Variants in CAPN2 observed in about 807,000 individuals in gnomAD.
The protein encoded by CAPN2 is calpain-2 catalytic subunit.
A neutral mutation model predicts 102.3 loss-of-function variants in CAPN2; 92 were observed. That is an observed-to-expected ratio of 0.90 (90% confidence interval 0.76 to 1.07). The LOEUF is 1.07. CAPN2 is among the 50% of genes least tolerant of loss of function. CAPN2 has a pLI of 0.00. For missense variants in CAPN2, 800 were observed against 909.4 expected (o/e 0.88, Z 1.55); for synonymous variants, 340 against 355.4 (o/e 0.96, Z 0.49).
intron 20 of CAPN2, 22 bp from the exon 21 acceptor site, chr1:223,774,812 T>C (rs573373387): frequency 2.0e-6 from 3 of 1,468,906 alleles, no homozygotes; most frequent in African/African-American, 2.8e-5. Flanking sequence ...CTGAGCTGAC[T>C]TTTTTTTTTC....
intron 1 of CAPN2, among the ~76,000 whole-genome samples, chr1:223,703,589 T>C (rs1047772853): frequency 7.2e-5 from 11 of 152,244 alleles, no homozygotes; most frequent in Admixed American, 3.3e-4. Flanking sequence ...AGAGTGGCAC[T>C]GCAGTCTATG....
chr1:223,724,305 G>A (rs572957785), intron 2 of CAPN2, among the ~76,000 whole-genome samples: 9 of 152,256 alleles, frequency 5.9e-5, no homozygotes, highest in East Asian at 3.9e-4. Context: ...AGGTCTGTTG[G>A]GGTCCTGGCT....
Position 223,755,408 on chromosome 1 carries a change from A to C in CAPN2, c.1136-72A>C. On this transcript the variant is annotated intron_variant, in intron 9 of 20. Transcript: ENST00000295006. The surrounding 1 kb of genome is among the most constrained non-coding windows in gnomAD (Gnocchi z 4.1). ...TCCCTCTCAGAAGCCTCCAAGCCTGAGACCAGGGCCACCCCCCACCCCCAT... is the reference window on the plus strand; with the variant it reads ...TCCCTCTCAGAAGCCTCCAAGCCTGCGACCAGGGCCACCCCCCACCCCCAT... 2 of 1,524,518 alleles carry C rather than the reference A, an allele frequency of 1.3e-6. No individual in the cohort carries two copies. Among genetic ancestry groups the C allele is most frequent in the East Asian group, 2.3e-5 (1 of 44,182 alleles). The allele number at this position is 1,524,518 out of a possible 1,614,324, so 94.4% of individuals were successfully genotyped here.
chr1:223,737,707 CGGG>C (rs1257475756), intron 2 of CAPN2, among the ~76,000 whole-genome samples: 1 of 58,754 alleles, frequency 1.7e-5, no homozygotes, highest in Non-Finnish European at 3.4e-5. Context: ...AGAGACGGGG[CGGG>C]GGGTGGGGGG....
At chr1:223,715,483 A>C (rs914590029) in intron 1 of CAPN2, among the ~76,000 whole-genome samples, 1 of 152,114 alleles carries the variant, frequency 6.6e-6, no homozygotes, top group East Asian at 1.9e-4. Flanking sequence ...GGAAGTGAGA[A>C]TACGGGTTGT....
chr1:223,723,565 C>T (rs74147528), intron 2 of CAPN2, among the ~76,000 whole-genome samples: 142 of 152,182 alleles, frequency 9.3e-4, no homozygotes, highest in African/African-American at 3.1e-3. Context: ...CACTTTTCTC[C>T]CTTGTGGCTG....
At position 223,747,041 on chromosome 1, in the gene CAPN2, A is replaced by G; in HGVS notation, c.605A>G (p.Glu202Gly). 1 of 1,614,092 alleles carries G rather than the reference A, an allele frequency of 6.2e-7. No homozygotes were observed. The highest frequency in any genetic ancestry group is 1.1e-5 in the South Asian group (1 of 91,074). Residue 202 changes from glutamate (E) to glycine (G), a missense_variant, in exon 5 of 21, where the codon GAG (glutamate) becomes GGG (glycine). Physicochemically the swap from Glu to Gly is moderately conservative, Grantham distance 98. Transcript: ENST00000295006. Reference protein sequence around the residue: ...YEALSGGATTEGFEDFTGGIA... With the variant: ...YEALSGGATTGGFEDFTGGIA... The stretch of plus-strand genomic sequence containing the variant: ...GCGCTATCAGGGGGTGCCACCACTG[A>G]GGGCTTCGAAGACTTCACCGGAGGC...
In CAPN2 at chr1:223,756,980, G is replaced by A. The variant is rs973508420; in HGVS notation, c.1306-389G>A. Among the ~76,000 whole-genome samples the A allele has an allele frequency of 6.1e-4, 93 of 152,178 alleles. No homozygotes were observed. The highest frequency in any genetic ancestry group is 3.4e-4 in the Non-Finnish European group (23 of 68,026). The stretch of plus-strand genomic sequence containing the variant: ...TCAAGGAAATGCAGACCGGACCACT[G>A]GACCTGGCTGACAGAGGCCGGCACT... On this transcript the variant is annotated intron_variant, in intron 10 of 20. Coordinates refer to ENST00000295006, the MANE Select transcript of CAPN2 (RefSeq NM_001748.5). This position sits in a 1 kb window ranked among gnomAD's most constrained non-coding sequence, Gnocchi z 4.1.
chr1:223,729,590 C>T (rs768732866), intron 2 of CAPN2, among the ~76,000 whole-genome samples: 16 of 152,094 alleles, frequency 1.1e-4, no homozygotes, highest in South Asian at 2.1e-4. Context: ...TCCAGAAAGG[C>T]GGGACAACTT....
chr1:223,709,107 C>A (rs1257276904), upstream of CAPN2, among the ~76,000 whole-genome samples: 1 of 152,068 alleles, frequency 6.6e-6, no homozygotes. Context: ...AGTCAATTCC[C>A]AGGAGAAGCT....
chr1:223,748,990 G>A, intron 5 of CAPN2, 49 bp from the exon 6 acceptor site: 12 of 1,530,666 alleles, frequency 7.8e-6, no homozygotes, highest in Non-Finnish European at 1.0e-5. Flanking sequence ...GGGAGTCCGG[G>A]AGGAAGGGAG....
Position 223,774,985 on chromosome 1 carries a change from G to T in CAPN2, c.*128G>T. ...ACATTTACTTAAACGGATGATCATA[G>T]CTGAAAATAATGATACTGTCAATTT... On this transcript the variant is annotated 3_prime_UTR_variant, in exon 21 of 21. Transcript: ENST00000295006. 1.3e-6 allele frequency: 1 copy of T among 783,654 alleles called. No homozygotes were observed. Among genetic ancestry groups the T allele is most frequent in the Admixed American group, 2.3e-5 (1 of 43,240 alleles). The allele number at this position is 783,654 out of a possible 1,614,324, so 48.5% of individuals were successfully genotyped here.
chr1:223,748,378 A>G (rs1337195216), intron 5 of CAPN2, among the ~76,000 whole-genome samples: 3 of 152,126 alleles, frequency 2.0e-5, no homozygotes, highest in Non-Finnish European at 4.4e-5. Flanking sequence ...AAAGTTTATC[A>G]GCAGAACACG....
At chr1:223,762,164 A>T in intron 13 of CAPN2, 22 bp from the exon 14 acceptor site, 13 of 1,610,052 alleles carry the variant, frequency 8.1e-6, no homozygotes, top group Non-Finnish European at 1.0e-5. Flanking sequence ...ATGCATTCTC[A>T]TGTCTCTGCC....
intron 10 of CAPN2, 85 bp from the exon 11 acceptor site, chr1:223,757,284 G>C: frequency 7.0e-7 from 1 of 1,432,690 alleles, no homozygotes; most frequent in South Asian, 1.1e-5. Context: ...CAGAGAAAAC[G>C]GGGGCAGCGG....
chr1:223,753,316 T>G (rs183678751), intron 9 of CAPN2, among the ~76,000 whole-genome samples: 22 of 152,296 alleles, frequency 1.4e-4, no homozygotes, highest in African/African-American at 4.6e-4. Context: ...CATGAGCTGC[T>G]CTATGCACCC....
At chr1:223,770,945 G>T (rs1229010568) in intron 18 of CAPN2, 1 of 158,312 alleles carries the variant, frequency 6.3e-6, no homozygotes, top group East Asian at 1.9e-4. Context: ...AGACTGCTGG[G>T]CTTTGGGAAC....
chr1:223,774,693 A>T, intron 20 of CAPN2, 141 bp from the exon 21 acceptor site: 2 of 704,930 alleles, frequency 2.8e-6, no homozygotes, highest in Non-Finnish European at 5.0e-6. Context: ...CAGGTAAGAA[A>T]AATATGAGTT....
At chr1:223,737,189 C>T (rs934644609) in intron 2 of CAPN2, among the ~76,000 whole-genome samples, 2 of 152,186 alleles carry the variant, frequency 1.3e-5, no homozygotes, top group African/African-American at 4.8e-5. Context: ...TGGGCTTTTT[C>T]TGGAGAGGAA....
Sources: gnomAD v4.1 joint callset for allele counts (sites outside exome capture counted in the v4.1 genomes callset) on GRCh38, gnomAD v4.1.1 for gene constraint, Gnocchi (gnomAD v3.1) non-coding constraint, MANE v1.5 for transcripts, NCBI Gene and HGNC (gene_info 2026-07-23, HGNC 2026-07-21) for gene names.